LMO7: variants seen among roughly 807,000 people sequenced by gnomAD.
LMO7 encodes the protein LIM domain only protein 7.
Under a neutral mutation model 206.5 loss-of-function variants are expected in LMO7, and 120 were observed. The observed-to-expected ratio is 0.58, with a 90% confidence interval of 0.50 to 0.68. LMO7 has a LOEUF of 0.68. LMO7 is among the 30% of genes least tolerant of loss of function. LMO7 has a pLI of 0.00. For missense variants in LMO7, 1,959 were observed against 1,957.9 expected (o/e 1.00, Z -0.01); for synonymous variants, 706 against 681.5 (o/e 1.04, Z -0.56).
chr13:75,667,871 A>G (rs988559099), intron 1 of LMO7, among the ~76,000 whole-genome samples: 1 of 152,194 alleles, frequency 6.6e-6, no homozygotes, highest in South Asian at 2.1e-4. Context: ...GAAACTCACA[A>G]TTGTTATGTT....
chr13:75,822,590 A>G (rs1393263113), intron 14 of LMO7, among the ~76,000 whole-genome samples: 1 of 151,820 alleles, frequency 6.6e-6, no homozygotes, highest in Non-Finnish European at 1.5e-5. Flanking sequence ...AACAAAGCAC[A>G]AAGAAGTATG....
intron 2 of LMO7, among the ~76,000 whole-genome samples, chr13:75,716,055 T>C (rs1189420737): frequency 2.0e-5 from 3 of 152,358 alleles, no homozygotes; most frequent in African/African-American, 4.8e-5. Flanking sequence ...GCCAGAATCA[T>C]ATTTCTTGTG....
intron 1 of LMO7, among the ~76,000 whole-genome samples, chr13:75,684,058 G>A (rs538014280): frequency 1.3e-5 from 2 of 152,204 alleles, no homozygotes; most frequent in African/African-American, 4.8e-5. Context: ...GACAGAATGA[G>A]GCATCTGACC....
intron 16 of LMO7, among the ~76,000 whole-genome samples, 184 bp from the exon 17 acceptor site, chr13:75,834,042 A>G (rs2058916845): frequency 6.6e-6 from 1 of 152,152 alleles, no homozygotes; most frequent in African/African-American, 2.4e-5. Context: ...ACTTCAAAAA[A>G]CACCTCTAAT....
At chr13:75,754,618 G>T (rs2047528902) in intron 3 of LMO7, among the ~76,000 whole-genome samples, 1 of 152,114 alleles carries the variant, frequency 6.6e-6, no homozygotes, top group South Asian at 2.1e-4. Context: ...AAATGAGAGA[G>T]CCCTTATACT....
upstream of LMO7, chr13:75,635,923 G>A (rs1270251897): frequency 6.6e-6 from 1 of 152,128 alleles, no homozygotes. Context: ...CCCAGCGGGG[G>A]AGGTTTCTTG....
intron 1 of LMO7, among the ~76,000 whole-genome samples, chr13:75,694,586 A>T (rs1387524063): frequency 6.6e-6 from 1 of 152,170 alleles, no homozygotes; most frequent in African/African-American, 2.4e-5. Flanking sequence ...CTAGAACCAG[A>T]GTGGAGAGAA....
intron 1 of LMO7, among the ~76,000 whole-genome samples, chr13:75,654,353 T>C (rs1188200230): frequency 1.3e-5 from 2 of 152,238 alleles, no homozygotes; most frequent in African/African-American, 4.8e-5. Flanking sequence ...ATGAGATTTC[T>C]TGAGAGACAG....
intron 6 of LMO7, among the ~76,000 whole-genome samples, chr13:75,798,000 G>A (rs921980596): frequency 6.6e-6 from 1 of 152,182 alleles, no homozygotes; most frequent in African/African-American, 2.4e-5. Flanking sequence ...GGCTTTAGTG[G>A]AGGAATTTCA....
At chr13:75,775,517 A>T (rs1310205078) in intron 4 of LMO7, among the ~76,000 whole-genome samples, 1 of 152,110 alleles carries the variant, frequency 6.6e-6, no homozygotes, top group East Asian at 1.9e-4. Context: ...AAATAAAAAT[A>T]ATAGAGTAAA....
intron 7 of LMO7, among the ~76,000 whole-genome samples, chr13:75,802,913 T>TA (rs1435012456): frequency 1.3e-5 from 2 of 152,212 alleles, no homozygotes; most frequent in Non-Finnish European, 2.9e-5. Context: ...TGAAAACTCA[T>TA]ATCAAGAATG....
chr13:75,710,107 G>T (rs1428673089), intron 1 of LMO7, among the ~76,000 whole-genome samples: 1 of 152,126 alleles, frequency 6.6e-6, no homozygotes, highest in African/African-American at 2.4e-5. Context: ...TCAGATAGTT[G>T]TAGATATGCG....
At chr13:75,788,001 A>G (rs999500987) in intron 4 of LMO7, among the ~76,000 whole-genome samples, 2 of 152,228 alleles carry the variant, frequency 1.3e-5, no homozygotes, top group African/African-American at 4.8e-5. Context: ...ATGAGCTTCC[A>G]TTCATAGAAC....
rs1025775588 is a variant in LMO7, at chr13:75,683,064, C to CTT, written c.70-30105_70-30104dup. On this transcript the variant is annotated intron_variant, in intron 1 of 30. Coordinates refer to ENST00000377534, the MANE Select transcript of LMO7 (RefSeq NM_001306080.2). ...CTTCCAGTGGTTTGACTTTTTTTTTCTTTTTTTTTTTTTTGAGATGGAGTT... is the reference window on the plus strand; with the variant it reads ...CTTCCAGTGGTTTGACTTTTTTTTTCTTTTTTTTTTTTTTTTGAGATGGAGTT... Among the ~76,000 whole-genome samples, 120 of 137,648 alleles carry CTT rather than the reference C, an allele frequency of 8.7e-4. 1 individual carries two copies. Among genetic ancestry groups the CTT allele is most frequent in the African/African-American group, 3.0e-3 (113 of 37,700 alleles). 90.3% of individuals were successfully genotyped at this position (137,648 alleles called of 152,430 possible). A position where few individuals can be genotyped will look rare whatever the true frequency, so the allele number is the denominator to read the frequency against.
At chr13:75,845,516 G>A (rs1595492839) in intron 26 of LMO7, 137 bp downstream of exon 26, 1 of 542,750 alleles carries the variant, frequency 1.8e-6, no homozygotes, top group South Asian at 2.3e-5. Flanking sequence ...TTTAACCTCT[G>A]TATATAAAAA....
intron 3 of LMO7, among the ~76,000 whole-genome samples, chr13:75,727,408 A>C (rs144366293): frequency 2.0e-5 from 3 of 151,980 alleles, no homozygotes; most frequent in African/African-American, 7.2e-5. Context: ...TAAATTGCTA[A>C]TTTTAAAAAT....
intron 20 of LMO7, 28 bp downstream of exon 20, chr13:75,838,224 A>T: frequency 6.3e-7 from 1 of 1,584,424 alleles, no homozygotes; most frequent in Non-Finnish European, 8.7e-7. Context: ...CAATTCATGC[A>T]CTTTCATGGA....
At chr13:75,665,195 A>G (rs1187466057) in intron 1 of LMO7, among the ~76,000 whole-genome samples, 1 of 152,110 alleles carries the variant, frequency 6.6e-6, no homozygotes, top group African/African-American at 2.4e-5. Flanking sequence ...TTTTGTTAGT[A>G]ATTTTCTTAA....
intron 4 of LMO7, among the ~76,000 whole-genome samples, chr13:75,791,468 A>G (rs879689379): frequency 4.1e-4 from 62 of 152,166 alleles, no homozygotes; most frequent in African/African-American, 1.5e-3. Context: ...TTACATTTCT[A>G]TAGGTTAAAT....
Sources: gnomAD v4.1 joint callset for allele counts (sites outside exome capture counted in the v4.1 genomes callset) on GRCh38, gnomAD v4.1.1 for gene constraint, MANE v1.5 for transcripts, NCBI Gene and HGNC (gene_info 2026-07-23, HGNC 2026-07-21) for gene names.